Variants in HDDC2 observed in about 807,000 individuals in gnomAD.
HDDC2 encodes HD domain containing 2, also known as 5'-deoxynucleotidase HDDC2.
HDDC2 carries 25 observed loss-of-function variants against 25.5 expected under a neutral mutation model. The ratio of observed to expected loss-of-function variants is 0.98; its 90% CI spans 0.72 to 1.37. HDDC2 has a LOEUF of 1.37. Ranked by LOEUF, HDDC2 falls within the 40% of genes most tolerant of loss-of-function variation. The pLI, the probability that HDDC2 is intolerant of heterozygous loss-of-function variation, is 0.00. For missense variants in HDDC2, 264 were observed against 253.1 expected (o/e 1.04, Z -0.29); for synonymous variants, 106 against 89.7 (o/e 1.18, Z -1.03).
At chr6:125,288,064 A>G (rs1798569345) in intron 4 of HDDC2, among the ~76,000 whole-genome samples, 1 of 152,222 alleles carries the variant, frequency 6.6e-6, no homozygotes, top group African/African-American at 2.4e-5. Context: ...GAAGAGAAGT[A>G]GGGAAATGTG....
chr6:125,277,369 T>A, intron 4 of HDDC2, 129 bp from the exon 5 acceptor site: 2 of 819,750 alleles, frequency 2.4e-6, no homozygotes, highest in Non-Finnish European at 3.8e-6. Flanking sequence ...CCCATTTCTC[T>A]ACTGTTTAGA....
At chr6:125,300,365 A>T in intron 2 of HDDC2, 173 bp downstream of exon 2, 1 of 736,210 alleles carries the variant, frequency 1.4e-6, no homozygotes, top group Non-Finnish European at 2.1e-6. Context: ...ATTGCAGTTT[A>T]CAACAACTGA....
intron 1 of HDDC2, among the ~76,000 whole-genome samples, chr6:125,300,864 G>A (rs904340906): frequency 2.0e-5 from 3 of 151,218 alleles, no homozygotes; most frequent in Admixed American, 1.3e-4. Context: ...AGGGGTAGAA[G>A]ACAGAGAGAG....
At chr6:125,301,664 G>T (rs1157230169) in intron 1 of HDDC2, among the ~76,000 whole-genome samples, 185 bp downstream of exon 1, 2 of 152,170 alleles carry the variant, frequency 1.3e-5, no homozygotes, top group African/African-American at 4.8e-5. Context: ...CCCGCCGGCT[G>T]CTTCCTCCGT....
chr6:125,276,345 C>T (rs966491244), intron 5 of HDDC2, 102 bp from the exon 6 acceptor site: 35 of 817,348 alleles, frequency 4.3e-5, no homozygotes, highest in Middle Eastern at 3.0e-4. Context: ...CTCTAGTCTA[C>T]GATCTGACCC....
At position 125,285,063 on chromosome 6, in the gene HDDC2, A is replaced by T. The variant is rs576168477; in HGVS notation, c.378+7778T>A. 2.0e-5 allele frequency among the ~76,000 whole-genome samples: 3 copies of T among 152,062 alleles called. No homozygotes were observed. The East Asian group carries it at 5.8e-4, about 29-fold the overall frequency. ...ATCATTCTCAGCAAACTAACACAGG[A>T]ACAGAAAACCAACCACCATATGTTC... On this transcript the variant is annotated intron_variant, in intron 4 of 5. Transcript: ENST00000398153.
rs200899458 is a variant in HDDC2 at position 125,280,342 on chromosome 6, A to AT, written c.379-3103dup. Reference sequence around the variant, plus strand: ...TTGGGCAGACACCGAGCTAGCTACAATTTTTTTTTTCATACCCCAGTGGAA... The same window carrying AT: ...TTGGGCAGACACCGAGCTAGCTACAATTTTTTTTTTTCATACCCCAGTGGAA... On this transcript the variant is annotated intron_variant, in intron 4 of 5. Coordinates refer to ENST00000398153, the MANE Select transcript of HDDC2 (RefSeq NM_016063.3). 4.0e-5 allele frequency among the ~76,000 whole-genome samples: 6 copies of AT among 150,924 alleles called. No individual in the cohort carries two copies. In the South Asian group the frequency reaches 6.3e-4, roughly 16 times the overall value.
Position 125,277,194 on chromosome 6 carries a change from A to T in HDDC2, c.425T>A (p.Leu142Gln). The T allele has an allele frequency of 6.2e-7, 1 of 1,614,096 alleles. No homozygotes were observed. Among genetic ancestry groups the T allele is most frequent in the Non-Finnish European group, 8.5e-7 (1 of 1,179,958 alleles). Reference protein sequence around the residue: ...SSAEAKFVKQLDQCEMILQAS... With the variant: ...SSAEAKFVKQQDQCEMILQAS... ...TTGAAGAATCATTTCACATTGGTCT[A>T]GCTGCTTCACAAATTTGGCTTCTGC... Residue 142 changes from leucine to glutamine, a missense_variant, in exon 5 of 6, where the codon CTA becomes CAA. Physicochemically the swap from Leu to Gln is moderately radical, Grantham distance 113. Coordinates refer to ENST00000398153, the MANE Select transcript of HDDC2 (RefSeq NM_016063.3).
Position 125,301,860 on chromosome 6 carries a change from C to G in HDDC2, c.73G>C (p.Gly25Arg), listed in dbSNP as rs931609721. 1 of 1,545,672 alleles carries G rather than the reference C, an allele frequency of 6.5e-7. No individual in the cohort carries two copies. Among genetic ancestry groups the G allele is most frequent in the African/African-American group, 1.4e-5 (1 of 73,018 alleles). The change falls in exon 1 of 6, where the codon GGG becomes CGG. Residue 25 changes from glycine (G) to arginine (R), a missense_variant. By Grantham distance (125) the Gly-to-Arg change is moderately radical. Coordinates refer to ENST00000398153, the MANE Select transcript of HDDC2 (RefSeq NM_016063.3). ...TGGTGCCCGCTCACCTTGAGCTGCCCTACCAGCCGCAGGAACTGCAGTAGG... is the reference window on the plus strand; with the variant it reads ...TGGTGCCCGCTCACCTTGAGCTGCCGTACCAGCCGCAGGAACTGCAGTAGG... ...RSLLQFLRLV[G>R]QLKRVPRTGW...
chr6:125,292,786 G>A, intron 4 of HDDC2, 55 bp downstream of exon 4: 1 of 1,278,874 alleles, frequency 7.8e-7, no homozygotes, highest in Non-Finnish European at 1.1e-6. Flanking sequence ...CAACATCAGG[G>A]AGCCATATAA....
chr6:125,296,716 CAGG>C (rs1355441463), intron 3 of HDDC2, among the ~76,000 whole-genome samples: 1 of 152,152 alleles, frequency 6.6e-6, no homozygotes, highest in Non-Finnish European at 1.5e-5. Context: ...GGGCAGCAGT[CAGG>C]AGGTTTAATG....
chr6:125,299,481 T>C (rs1458185662), intron 2 of HDDC2, among the ~76,000 whole-genome samples: 1 of 152,204 alleles, frequency 6.6e-6, no homozygotes, highest in East Asian at 1.9e-4. Context: ...GGAATAGTGG[T>C]TGTGATAATT....
At position 125,298,698 on chromosome 6, in the gene HDDC2, A is replaced by G; in HGVS notation, c.309+16T>C. 1 of 1,597,832 alleles carries G rather than the reference A, an allele frequency of 6.3e-7. No homozygotes were observed. On this transcript the variant is annotated intron_variant, in intron 3 of 5. Transcript: ENST00000398153. The stretch of plus-strand genomic sequence containing the variant: ...TTTTCTGGTGGTTTTTTGCACAGTC[A>G]ATAGTCAACACTGACCTCTTCTCGC...
In HDDC2 at chr6:125,301,842, C is replaced by T. The variant is rs1040149949; in HGVS notation, c.84+7G>A. On this transcript the variant is annotated splice_region_variant and intron_variant, in intron 1 of 5. Coordinates refer to ENST00000398153, the MANE Select transcript of HDDC2 (RefSeq NM_016063.3). Reference sequence around the variant, plus strand: ...GGCCGCGGCCTCCCGGCCTGGTGCCCGCTCACCTTGAGCTGCCCTACCAGC... The same window carrying T: ...GGCCGCGGCCTCCCGGCCTGGTGCCTGCTCACCTTGAGCTGCCCTACCAGC... The T allele has an allele frequency of 2.6e-6, 4 of 1,540,360 alleles. No homozygotes were observed. Among genetic ancestry groups the T allele is most frequent in the South Asian group, 1.2e-5 (1 of 83,860 alleles).
intron 2 of HDDC2, among the ~76,000 whole-genome samples, chr6:125,299,849 CT>C: frequency 6.6e-6 from 1 of 152,272 alleles, no homozygotes; most frequent in East Asian, 1.9e-4. Context: ...TTTATCTGCC[CT>C]TCTCTCTGCA....
intron 4 of HDDC2, among the ~76,000 whole-genome samples, chr6:125,279,863 T>C (rs935858109): frequency 5.9e-5 from 9 of 152,116 alleles, no homozygotes; most frequent in African/African-American, 2.2e-4. Flanking sequence ...AAAAAGATAA[T>C]TACATTTTAA....
At chr6:125,297,742 T>C (rs1798725745) in intron 3 of HDDC2, among the ~76,000 whole-genome samples, 1 of 152,190 alleles carries the variant, frequency 6.6e-6, no homozygotes, top group African/African-American at 2.4e-5. Context: ...TAAAAGTAGC[T>C]AGCAATAACT....
At chr6:125,297,666 T>C in intron 3 of HDDC2, 1 of 397,624 alleles carries the variant, frequency 2.5e-6, no homozygotes, top group Non-Finnish European at 4.4e-6. Flanking sequence ...ACACTTGCCC[T>C]GTTAAACCAT....
intron 4 of HDDC2, 35 bp from the exon 5 acceptor site, chr6:125,277,275 C>T (rs780295164): frequency 1.1e-5 from 18 of 1,608,850 alleles, no homozygotes; most frequent in Non-Finnish European, 1.4e-5. Context: ...GCATGATTAG[C>T]GCTGCATAAT....
Sources: gnomAD v4.1 joint callset for allele counts (sites outside exome capture counted in the v4.1 genomes callset) on GRCh38, gnomAD v4.1.1 for gene constraint, MANE v1.5 for transcripts, NCBI Gene and HGNC (gene_info 2026-07-23, HGNC 2026-07-21) for gene names.